The following ERC2 variants were observed in gnomAD, a reference collection of about 807,000 sequenced individuals.
ERC2 encodes ERC protein 2.
In ERC2, 42 loss-of-function variants were observed where a neutral mutation model predicts 114.8. The observed-to-expected ratio is 0.37, with a 90% CI of 0.29 to 0.47. The LOEUF is 0.47. Ranked by LOEUF, ERC2 falls within the 20% of genes least tolerant of loss-of-function variation. ERC2 has a pLI of 0.99. For missense variants in ERC2, 939 were observed against 1,150.7 expected (o/e 0.82, Z 2.66); for synonymous variants, 454 against 425.5 (o/e 1.07, Z -0.82).
chr3:55,831,142 CA>C (rs576800724), intron 14 of ERC2, among the ~76,000 whole-genome samples: 155 of 105,802 alleles, frequency 1.5e-3, no homozygotes, highest in Middle Eastern at 5.1e-3. Context: ...CCCCTCTCTA[CA>C]AAAAAAAAAA....
intron 12 of ERC2, among the ~76,000 whole-genome samples, chr3:55,953,538 G>A (rs1486813791): frequency 6.6e-6 from 1 of 152,142 alleles, no homozygotes; most frequent in Non-Finnish European, 1.5e-5. Flanking sequence ...TTACTTGAAA[G>A]TCAAAAGGGA....
chr3:55,730,062 C>T lies in ERC2; in HGVS notation c.2712+4709G>A, dbSNP rs115076443. Among the ~76,000 whole-genome samples the T allele has an allele frequency of 1.9e-3, 294 of 152,152 alleles. 3 individuals carry two copies. Among genetic ancestry groups the T allele is most frequent in the Non-Finnish European group, 2.9e-3 (197 of 68,026 alleles). ...CCCTGGACAGGTTGGGAGTCACAAG[C>T]TGAACCACTGGAACTGGGTTTCTCT... On this transcript the variant is annotated intron_variant, in intron 15 of 17. Transcript: ENST00000288221.
chr3:56,274,795 C>T (rs2053889186), intron 3 of ERC2, among the ~76,000 whole-genome samples: 1 of 152,092 alleles, frequency 6.6e-6, no homozygotes, highest in Non-Finnish European at 1.5e-5. Context: ...AAAATACATG[C>T]CATACTAAGG....
At chr3:55,559,302 T>C (rs2055841969) in intron 17 of ERC2, among the ~76,000 whole-genome samples, 1 of 152,232 alleles carries the variant, frequency 6.6e-6, no homozygotes, top group African/African-American at 2.4e-5. Flanking sequence ...CTGTGGAGTG[T>C]AGCTCTGAGA....
chr3:56,181,766 C>T (rs766038942), intron 3 of ERC2, among the ~76,000 whole-genome samples: 30 of 152,118 alleles, frequency 2.0e-4, no homozygotes, highest in Non-Finnish European at 3.4e-4. Flanking sequence ...TTCTTTCTTG[C>T]TCATATTCTT....
intron 17 of ERC2, among the ~76,000 whole-genome samples, chr3:55,592,887 C>T (rs1875108): frequency 0.7 from 106,628 of 152,160 alleles, 38,089 homozygotes; most frequent in African/African-American, 0.79. Flanking sequence ...TGCTTAACTA[C>T]TGTACCCGTT....
chr3:56,342,725 T>C (rs969464176), intron 2 of ERC2, among the ~76,000 whole-genome samples: 1 of 152,228 alleles, frequency 6.6e-6, no homozygotes, highest in Non-Finnish European at 1.5e-5. Flanking sequence ...CTCATTCATA[T>C]ATTCTAGACC....
At chr3:56,390,079 C>A (rs1300863057) in intron 2 of ERC2, among the ~76,000 whole-genome samples, 1 of 152,084 alleles carries the variant, frequency 6.6e-6, no homozygotes, top group East Asian at 1.9e-4. Context: ...ATGTTGAACT[C>A]AGGAATGGAA....
intron 14 of ERC2, among the ~76,000 whole-genome samples, chr3:55,875,730 T>A (rs1024992794): frequency 2.2e-4 from 32 of 148,468 alleles, no homozygotes; most frequent in African/African-American, 7.0e-4. Context: ...ACACACTCTC[T>A]CTCTCTCACC....
intron 14 of ERC2, among the ~76,000 whole-genome samples, chr3:55,842,920 TGA>T (rs765107977): frequency 6.6e-6 from 1 of 150,912 alleles, no homozygotes; most frequent in African/African-American, 2.4e-5. Flanking sequence ...AAGGAGTGTG[TGA>T]GAGAGAGAGA....
intron 5 of ERC2, among the ~76,000 whole-genome samples, chr3:56,141,613 T>C (rs761389254): frequency 5.9e-5 from 9 of 152,234 alleles, no homozygotes; most frequent in Non-Finnish European, 1.2e-4. Context: ...TTATTAGGCT[T>C]CGCATTATTA....
chr3:55,577,061 G>T (rs781609290), intron 17 of ERC2, among the ~76,000 whole-genome samples: 10 of 152,226 alleles, frequency 6.6e-5, no homozygotes, highest in Admixed American at 1.3e-4. Flanking sequence ...CAACTTCCAG[G>T]CCCCAGAGGC....
At chr3:56,294,002 T>C (rs2055265694) in intron 3 of ERC2, among the ~76,000 whole-genome samples, 1 of 152,110 alleles carries the variant, frequency 6.6e-6, no homozygotes, top group African/African-American at 2.4e-5. Context: ...CATCACAGCC[T>C]TGCTGCCCCT....
intron 11 of ERC2, among the ~76,000 whole-genome samples, chr3:55,991,754 G>C (rs962109331): frequency 9.8e-5 from 15 of 152,292 alleles, no homozygotes; most frequent in Admixed American, 7.2e-4. Context: ...GAGGTTTTGG[G>C]TAGTCAAAGC....
At chr3:55,591,570 T>TGC (rs529866415) in intron 17 of ERC2, among the ~76,000 whole-genome samples, 5,510 of 120,262 alleles carry the variant, frequency 0.046, 268 homozygotes, top group African/African-American at 0.12. Context: ...CAGAAGTTTG[T>TGC]GTGCGTGTGT....
chr3:55,754,213 G>A (rs2066906572), intron 14 of ERC2, among the ~76,000 whole-genome samples: 2 of 151,672 alleles, frequency 1.3e-5, no homozygotes, highest in Non-Finnish European at 2.9e-5. Flanking sequence ...AAAAAACCAG[G>A]AGAGAAAATA....
chr3:56,164,629 T>A (rs1575647507), intron 4 of ERC2, among the ~76,000 whole-genome samples: 1 of 152,188 alleles, frequency 6.6e-6, no homozygotes, highest in East Asian at 1.9e-4. Context: ...AATTTCTAGG[T>A]CATGTGGTAA....
At chr3:55,974,488 A>G (rs1003537036) in intron 12 of ERC2, among the ~76,000 whole-genome samples, 2 of 152,242 alleles carry the variant, frequency 1.3e-5, no homozygotes, top group Admixed American at 6.5e-5. Flanking sequence ...CGGTTCTCTA[A>G]TCACACTGTG....
chr3:55,735,028 T>A (rs2065538539), intron 14 of ERC2, 110 bp from the exon 15 acceptor site: 1 of 1,176,202 alleles, frequency 8.5e-7, no homozygotes, highest in African/African-American at 1.6e-5. Flanking sequence ...TGGAAAGAAA[T>A]TATGAATACT....
Sources: gnomAD v4.1 joint callset for allele counts (sites outside exome capture counted in the v4.1 genomes callset) on GRCh38, gnomAD v4.1.1 for gene constraint, MANE v1.5 for transcripts, NCBI Gene and HGNC (gene_info 2026-07-23, HGNC 2026-07-21) for gene names.